The following LCLAT1 variants were observed in gnomAD, a reference collection of about 807,000 sequenced individuals.
The protein encoded by LCLAT1 is lysocardiolipin acyltransferase 1, also known as 1-AGP acyltransferase 8.
In LCLAT1, 11 loss-of-function variants were observed where a neutral mutation model predicts 30.7. The ratio of observed to expected loss-of-function variants is 0.36; its 90% CI spans 0.23 to 0.59. The LOEUF is 0.59. LCLAT1 is among the 20% of genes least tolerant of loss of function. The probability of loss-of-function intolerance (pLI) is 0.77; values close to 1 mark genes in which losing one functional copy is unlikely to be tolerated. For synonymous variants in LCLAT1, 155 were observed against 151.3 expected (o/e 1.02, Z -0.18); for missense variants, 402 against 458.6 (o/e 0.88, Z 1.13).
chr2:30,491,365 T>C (rs770786488), intron 1 of LCLAT1, among the ~76,000 whole-genome samples: 2 of 152,246 alleles, frequency 1.3e-5, no homozygotes, highest in Non-Finnish European at 2.9e-5. Flanking sequence ...AACTCAATAC[T>C]TATCCTAAGG....
intron 5 of LCLAT1, among the ~76,000 whole-genome samples, chr2:30,601,462 G>A (rs1667180875): frequency 6.6e-6 from 1 of 152,026 alleles, no homozygotes; most frequent in South Asian, 2.1e-4. Context: ...TTATTAAAGT[G>A]GTAAAACAAC....
intron 1 of LCLAT1, among the ~76,000 whole-genome samples, chr2:30,514,807 G>A (rs1454237961): frequency 1.3e-5 from 2 of 152,170 alleles, no homozygotes; most frequent in Non-Finnish European, 2.9e-5. Context: ...TGGATCCAGA[G>A]CAGGCTCTTA....
chr2:30,590,786 A>G (rs184540626), intron 5 of LCLAT1, among the ~76,000 whole-genome samples: 3 of 152,192 alleles, frequency 2.0e-5, no homozygotes, highest in Non-Finnish European at 2.9e-5. Flanking sequence ...GGGCTAGGTT[A>G]CTTTATTTTT....
intron 1 of LCLAT1, among the ~76,000 whole-genome samples, chr2:30,472,085 T>G (rs17009547): frequency 0.014 from 2,199 of 152,340 alleles, 50 homozygotes; most frequent in African/African-American, 0.05. Flanking sequence ...ACTGGAAAAC[T>G]TTAAAGAAGC....
chr2:30,547,596 T>A (rs1664484409), intron 3 of LCLAT1, among the ~76,000 whole-genome samples: 1 of 151,888 alleles, frequency 6.6e-6, no homozygotes, highest in African/African-American at 2.4e-5. Context: ...ATGAAAGAAG[T>A]CAATGAAGGT....
chr2:30,554,151 A>G (rs1201941867), intron 3 of LCLAT1, among the ~76,000 whole-genome samples: 1 of 152,242 alleles, frequency 6.6e-6, no homozygotes, highest in African/African-American at 2.4e-5. Context: ...GAAAAGTTTT[A>G]TAGCAAAACC....
chr2:30,464,255 A>G (rs1305120438), intron 1 of LCLAT1, among the ~76,000 whole-genome samples: 4 of 151,586 alleles, frequency 2.6e-5, no homozygotes, highest in Non-Finnish European at 5.9e-5. Context: ...CCATTTTCCT[A>G]TTGTAATTCT....
intron 1 of LCLAT1, among the ~76,000 whole-genome samples, chr2:30,508,336 T>C (rs1684773716): frequency 6.6e-6 from 1 of 152,204 alleles, no homozygotes; most frequent in Non-Finnish European, 1.5e-5. Flanking sequence ...TTTGGTATCT[T>C]TGTCATGAAA....
At chr2:30,577,177 C>T (rs1323614454) in intron 5 of LCLAT1, among the ~76,000 whole-genome samples, 3 of 151,678 alleles carry the variant, frequency 2.0e-5, no homozygotes, top group Non-Finnish European at 4.4e-5. Context: ...TGCTAAAAAG[C>T]ATGCAAACTC....
In LCLAT1 at chr2:30,642,088, G is replaced by A. The variant is rs935649798; in HGVS notation, c.*1469G>A. On this transcript the variant is annotated 3_prime_UTR_variant, in exon 6 of 6. Coordinates refer to ENST00000379509, the MANE Select transcript of LCLAT1 (RefSeq NM_001002257.3). ...AATGCCTTCTCTGTAATTATATCTC[G>A]TTTTTGCTTGACAGTGACCTACCCA... The A allele has an allele frequency of 4.6e-5, 7 of 152,020 alleles. No homozygotes were observed. The East Asian group carries it at 7.7e-4, about 17-fold the overall frequency. The allele number at this position is 152,020 out of a possible 1,614,324, so 9.4% of individuals were successfully genotyped here. A position where few individuals can be genotyped will look rare whatever the true frequency, so the allele number is the denominator to read the frequency against.
In LCLAT1 at chr2:30,628,148, A is replaced by T. The variant is rs1200806243; in HGVS notation, c.629-11969A>T. Among the ~76,000 whole-genome samples, 4 of 152,230 alleles carry T rather than the reference A, an allele frequency of 2.6e-5. No homozygotes were observed. The South Asian group carries it at 8.3e-4, about 32-fold the overall frequency. On this transcript the variant is annotated intron_variant, in intron 5 of 5. Transcript: ENST00000379509. Reference sequence around the variant, plus strand: ...AGAAATAGAAACACATGTTGTATTCACAATTATGTTCTATTCACAATTATG... The same window carrying T: ...AGAAATAGAAACACATGTTGTATTCTCAATTATGTTCTATTCACAATTATG...
At chr2:30,532,574 A>AT (rs1459158245) in intron 2 of LCLAT1, among the ~76,000 whole-genome samples, 1 of 152,122 alleles carries the variant, frequency 6.6e-6, no homozygotes, top group Non-Finnish European at 1.5e-5. Context: ...GAACATTACT[A>AT]TTTTCTAGGT....
At chr2:30,466,888 C>T (rs1286846204) in intron 1 of LCLAT1, among the ~76,000 whole-genome samples, 2 of 152,110 alleles carry the variant, frequency 1.3e-5, no homozygotes. Context: ...TTTTGAATTA[C>T]TCTTAGTTTT....
intron 1 of LCLAT1, among the ~76,000 whole-genome samples, chr2:30,503,288 A>G (rs979622100): frequency 3.3e-5 from 5 of 152,156 alleles, no homozygotes; most frequent in Admixed American, 1.3e-4. Context: ...TGTTTTGGCC[A>G]GTAGGGTTGT....
intron 1 of LCLAT1, among the ~76,000 whole-genome samples, chr2:30,453,929 T>C (rs1231468774): frequency 6.6e-6 from 1 of 152,218 alleles, no homozygotes; most frequent in Non-Finnish European, 1.5e-5. Flanking sequence ...TCATTTTACT[T>C]ATGAGGAAAC....
intron 5 of LCLAT1, among the ~76,000 whole-genome samples, chr2:30,572,737 C>CTATT (rs1665837952): frequency 6.6e-6 from 1 of 150,834 alleles, no homozygotes; most frequent in Non-Finnish European, 1.5e-5. Flanking sequence ...TCCAAGATTT[C>CTATT]TCCCTGATAT....
intron 5 of LCLAT1, among the ~76,000 whole-genome samples, chr2:30,615,777 G>C (rs768963806): frequency 2.6e-5 from 4 of 152,080 alleles, no homozygotes; most frequent in Non-Finnish European, 5.9e-5. Flanking sequence ...TTGAGTCTGT[G>C]GTAAGGAATT....
intron 1 of LCLAT1, among the ~76,000 whole-genome samples, chr2:30,453,659 G>C (rs774706976): frequency 9.9e-5 from 15 of 152,212 alleles, no homozygotes; most frequent in Admixed American, 3.3e-4. Flanking sequence ...TTACTGTGTA[G>C]AGGGGGAGAT....
intron 1 of LCLAT1, among the ~76,000 whole-genome samples, chr2:30,473,159 G>T (rs1682880064): frequency 6.6e-6 from 1 of 152,104 alleles, no homozygotes; most frequent in Non-Finnish European, 1.5e-5. Context: ...AATTATATAT[G>T]TATGACAGTT....
Sources: gnomAD v4.1 joint callset for allele counts (sites outside exome capture counted in the v4.1 genomes callset) on GRCh38, gnomAD v4.1.1 for gene constraint, MANE v1.5 for transcripts, NCBI Gene and HGNC (gene_info 2026-07-23, HGNC 2026-07-21) for gene names.